The following USP49 variants were observed in gnomAD, a reference collection of about 807,000 sequenced individuals.
USP49 encodes ubiquitin carboxyl-terminal hydrolase 49.
A neutral mutation model predicts 58.6 loss-of-function variants in USP49; 24 were observed. The ratio of observed to expected loss-of-function variants is 0.41; its 90% CI spans 0.30 to 0.58. USP49 has a LOEUF of 0.58. Ranked by LOEUF, USP49 falls within the 20% of genes least tolerant of loss-of-function variation. The pLI, the probability that USP49 is intolerant of heterozygous loss-of-function variation, is 0.30. For synonymous variants in USP49, 408 were observed against 365.1 expected (o/e 1.12, Z -1.34); for missense variants, 703 against 866.1 (o/e 0.81, Z 2.36).
chr6:41,858,890 T>C (rs1774174343), intron 3 of USP49, among the ~76,000 whole-genome samples: 1 of 152,164 alleles, frequency 6.6e-6, no homozygotes, highest in African/African-American at 2.4e-5. Flanking sequence ...TTCTCCCCAC[T>C]AGACGATAAG....
chr6:41,829,378 G>A (rs1489357320), intron 3 of USP49, among the ~76,000 whole-genome samples: 1 of 151,432 alleles, frequency 6.6e-6, no homozygotes, highest in Non-Finnish European at 1.5e-5. Context: ...GCAATGGCAC[G>A]ATCTTGGCTC....
chr6:41,895,058 G>T (rs970503290), intron 1 of USP49, among the ~76,000 whole-genome samples: 1 of 74,390 alleles, frequency 1.3e-5, no homozygotes, highest in African/African-American at 5.3e-5. Context: ...CCAGCCCGCC[G>T]GCGCCGCGGT....
At chr6:41,798,125 C>A (rs1772919284) in intron 7 of USP49, 1 of 154,300 alleles carries the variant, frequency 6.5e-6, no homozygotes, top group African/African-American at 2.4e-5. Context: ...GCCTCTGCCT[C>A]CCAAAGTGTT....
intron 3 of USP49, among the ~76,000 whole-genome samples, chr6:41,807,459 T>C (rs750987715): frequency 4.6e-5 from 7 of 152,210 alleles, no homozygotes; most frequent in Non-Finnish European, 1.0e-4. Context: ...TGGTTTTGTT[T>C]TGAGACGGGG....
At chr6:41,853,445 A>G (rs1774065805) in intron 3 of USP49, among the ~76,000 whole-genome samples, 1 of 152,210 alleles carries the variant, frequency 6.6e-6, no homozygotes, top group Non-Finnish European at 1.5e-5. Flanking sequence ...CAAAATGAAA[A>G]ACTTTAGAAC....
intron 4 of USP49, among the ~76,000 whole-genome samples, chr6:41,804,296 A>G (rs1268766387): frequency 6.6e-6 from 1 of 152,170 alleles, no homozygotes; most frequent in Non-Finnish European, 1.5e-5. Context: ...TCAATAGTAC[A>G]GTAGTACAGA....
intron 3 of USP49, among the ~76,000 whole-genome samples, chr6:41,849,505 C>G (rs1402921380): frequency 6.6e-6 from 1 of 152,188 alleles, no homozygotes; most frequent in Non-Finnish European, 1.5e-5. Context: ...ACATTCTTCT[C>G]AAGTGCACAT....
intron 7 of USP49, among the ~76,000 whole-genome samples, chr6:41,797,137 T>G (rs1242692317): frequency 6.6e-6 from 1 of 152,078 alleles, no homozygotes; most frequent in African/African-American, 2.4e-5. Context: ...ATTCTTTGTA[T>G]TTTTAGTAGA....
chr6:41,879,743 C>G (rs531553143), intron 2 of USP49, among the ~76,000 whole-genome samples: 1 of 152,280 alleles, frequency 6.6e-6, no homozygotes, highest in Admixed American at 6.5e-5. Context: ...AGCCATTTTC[C>G]CCACTCAGCT....
Position 41,838,585 on chromosome 6 carries a change from A to G in USP49, c.-28-31574T>C, listed in dbSNP as rs370527150. On this transcript the variant is annotated intron_variant, in intron 3 of 7. Coordinates refer to ENST00000682992, the MANE Select transcript of USP49 (RefSeq NM_001286554.2). ...AGGGGAAGGGGGAGAGCACCACATC[A>G]AGGGATCACTCTGTGGTATAAATAA... is the stretch of plus-strand genomic sequence containing the variant. Among the ~76,000 whole-genome samples the G allele has an allele frequency of 7.2e-5, 11 of 152,332 alleles. 1 individual carries two copies. The highest frequency in any genetic ancestry group is 2.6e-4 in the African/African-American group (11 of 41,568).
chr6:41,809,623 G>A (rs567259624), intron 3 of USP49, among the ~76,000 whole-genome samples: 1 of 151,696 alleles, frequency 6.6e-6, no homozygotes, highest in South Asian at 2.1e-4. Flanking sequence ...TCAGGAGATC[G>A]AGACCATCCT....
intron 2 of USP49, among the ~76,000 whole-genome samples, chr6:41,889,782 T>G (rs1774779307): frequency 6.6e-6 from 1 of 152,218 alleles, no homozygotes; most frequent in East Asian, 1.9e-4. Flanking sequence ...CTTTTCTTCT[T>G]TAAAATTAAG....
intron 3 of USP49, among the ~76,000 whole-genome samples, chr6:41,839,134 T>C (rs568664526): frequency 1.3e-5 from 2 of 151,882 alleles, no homozygotes; most frequent in East Asian, 3.9e-4. Context: ...AGTCCTGGTG[T>C]GGTGGTTCAT....
chr6:41,802,124 T>A (rs1773009542), intron 5 of USP49, among the ~76,000 whole-genome samples: 1 of 152,038 alleles, frequency 6.6e-6, no homozygotes, highest in Non-Finnish European at 1.5e-5. Flanking sequence ...GTTAACCAGG[T>A]ATAAAATTTC....
At chr6:41,840,887 G>A (rs1006170292) in intron 3 of USP49, among the ~76,000 whole-genome samples, 4 of 152,000 alleles carry the variant, frequency 2.6e-5, no homozygotes, top group African/African-American at 9.7e-5. Context: ...GCAGAGTGGT[G>A]CATACCTGTA....
At chr6:41,886,347 T>G (rs1417951377) in intron 2 of USP49, 1 of 152,234 alleles carries the variant, frequency 6.6e-6, no homozygotes, top group Non-Finnish European at 1.5e-5. Flanking sequence ...TGAGATGACC[T>G]CTGTTCATAA....
chr6:41,848,619 G>A (rs549344015), intron 3 of USP49, among the ~76,000 whole-genome samples: 1 of 152,144 alleles, frequency 6.6e-6, no homozygotes, highest in African/African-American at 2.4e-5. Flanking sequence ...CGCACTTTGG[G>A]AGGCCAAGGC....
Position 41,865,177 on chromosome 6 carries a change from T to C in USP49, c.-29+6387A>G, listed in dbSNP as rs941129134. Among the ~76,000 whole-genome samples the C allele has an allele frequency of 3.3e-5, 5 of 152,136 alleles. No individual in the cohort carries two copies. In the East Asian group the frequency reaches 7.7e-4, roughly 23 times the overall value. On this transcript the variant is annotated intron_variant, in intron 3 of 7. Coordinates refer to ENST00000682992, the MANE Select transcript of USP49 (RefSeq NM_001286554.2). ...CTCCTGCCTCAGTCTCCCGAGTAGC[T>C]AGGATTACAGGCACCCGCCATCATG...
At chr6:41,845,690 CCT>C (rs994279585) in intron 3 of USP49, among the ~76,000 whole-genome samples, 1 of 151,778 alleles carries the variant, frequency 6.6e-6, no homozygotes, top group African/African-American at 2.4e-5. Context: ...ACAGTGAGAC[CCT>C]GTCTCTAAAA....
Sources: gnomAD v4.1 joint callset for allele counts (sites outside exome capture counted in the v4.1 genomes callset) on GRCh38, gnomAD v4.1.1 for gene constraint, MANE v1.5 for transcripts, NCBI Gene and HGNC (gene_info 2026-07-23, HGNC 2026-07-21) for gene names.